Variants in LATS2 observed in about 807,000 individuals in gnomAD.
LATS2 encodes the protein serine/threonine-protein kinase LATS2.
A neutral mutation model predicts 76.0 loss-of-function variants in LATS2; 24 were observed. The observed-to-expected ratio is 0.32, with a 90% confidence interval of 0.23 to 0.44. The LOEUF is 0.44. LATS2 is among the 20% of genes least tolerant of loss of function. The probability of loss-of-function intolerance (pLI) is 1.00; values close to 1 mark genes in which losing one functional copy is unlikely to be tolerated. For missense variants in LATS2, 1,286 were observed against 1,481.2 expected, an observed-to-expected ratio of 0.87 and a Z score of 2.16; for synonymous variants, 692 against 635.4, an observed-to-expected ratio of 1.09 and a Z score of -1.34.
intron 2 of LATS2, among the ~76,000 whole-genome samples, chr13:21,006,228 C>T (rs968558285): frequency 6.6e-6 from 1 of 151,622 alleles, no homozygotes; most frequent in Non-Finnish European, 1.5e-5. Context: ...AAAATCACAG[C>T]AAGCAAGGTG....
rs528050343 is a variant in LATS2, at chr13:20,985,155, T to C, written c.1900-1349A>G. Among the ~76,000 whole-genome samples the C allele has an allele frequency of 5.3e-4, 80 of 152,224 alleles. 1 individual carries two copies. Among genetic ancestry groups the C allele is most frequent in the African/African-American group, 1.9e-3 (79 of 41,532 alleles). Reference sequence around the variant, plus strand: ...GTCAACTTAAAACAGATTAAAGACCTAGAAATAAGACCAGAGGCTATGAAA... The same window carrying C: ...GTCAACTTAAAACAGATTAAAGACCCAGAAATAAGACCAGAGGCTATGAAA... On this transcript the variant is annotated intron_variant, in intron 4 of 7. Transcript: ENST00000382592.
Position 21,002,362 on chromosome 13 carries a change from CTAAT to C in LATS2, c.343-10962_343-10959del, listed in dbSNP as rs1418520014. Among the ~76,000 whole-genome samples, 236 of 149,046 alleles carry C rather than the reference CTAAT, an allele frequency of 1.6e-3. 1 individual carries two copies. In the Middle Eastern group the frequency reaches 0.024, roughly 15 times the overall value. ...GCCCATCTTTTAAAAAATTAACTAACTAATTAATTAACTTTTTTTTTTTTTTTTT... is the reference window on the plus strand; with the variant it reads ...GCCCATCTTTTAAAAAATTAACTAACTAATTAACTTTTTTTTTTTTTTTTT... On this transcript the variant is annotated intron_variant, in intron 2 of 7. Transcript: ENST00000382592.
chr13:21,024,132 C>G (rs1872206907), intron 2 of LATS2, among the ~76,000 whole-genome samples: 3 of 146,992 alleles, frequency 2.0e-5, no homozygotes, highest in Admixed American at 2.0e-4. Context: ...GAAAAAACAG[C>G]TTGAAAAATA....
intron 3 of LATS2, among the ~76,000 whole-genome samples, chr13:20,989,956 C>CA (rs1345052829): frequency 6.6e-6 from 1 of 152,226 alleles, no homozygotes; most frequent in Non-Finnish European, 1.5e-5. Flanking sequence ...TCATCTGAAA[C>CA]AGACACCGGA....
chr13:20,992,462 G>A (rs920756910), intron 2 of LATS2, among the ~76,000 whole-genome samples: 4 of 152,254 alleles, frequency 2.6e-5, no homozygotes, highest in South Asian at 4.2e-4. Flanking sequence ...AGTGGCGCGG[G>A]GCGGTGAGGC....
chr13:20,976,809 G>A (rs1265047530), intron 7 of LATS2, among the ~76,000 whole-genome samples: 1 of 152,186 alleles, frequency 6.6e-6, no homozygotes, highest in Non-Finnish European at 1.5e-5. Flanking sequence ...TATTGAGGAT[G>A]TAGGGAAACT....
At chr13:21,015,604 G>C (rs1320165041) in intron 2 of LATS2, among the ~76,000 whole-genome samples, 1 of 152,188 alleles carries the variant, frequency 6.6e-6, no homozygotes, top group Non-Finnish European at 1.5e-5. Context: ...TTTTAAATAG[G>C]ATTTGGGGAA....
intron 7 of LATS2, among the ~76,000 whole-genome samples, chr13:20,976,146 G>A (rs1869614359): frequency 6.6e-6 from 1 of 152,224 alleles, no homozygotes; most frequent in Admixed American, 6.5e-5. Context: ...TTGTTGTAGA[G>A]ATGTGTCTAC....
chr13:21,019,328 A>C (rs190318148), intron 2 of LATS2, among the ~76,000 whole-genome samples: 2,087 of 142,212 alleles, frequency 0.015, 59 homozygotes, highest in African/African-American at 0.056. Context: ...TATTATTATT[A>C]TTATTATTAT....
intron 7 of LATS2, among the ~76,000 whole-genome samples, chr13:20,976,819 T>G (rs1223060657): frequency 6.6e-6 from 1 of 152,030 alleles, no homozygotes; most frequent in African/African-American, 2.4e-5. Flanking sequence ...GTAGGGAAAC[T>G]GAACACTCAG....
chr13:20,987,780 AAGGGGTATAC>A, intron 4 of LATS2, 91 bp downstream of exon 4: 1 of 1,344,988 alleles, frequency 7.4e-7, no homozygotes, highest in South Asian at 1.4e-5. Context: ...TTTTGATGAT[AAGGGGTATAC>A]AGTCGAAACA....
At chr13:21,050,254 A>C (rs112157642) in intron 1 of LATS2, among the ~76,000 whole-genome samples, 4 of 151,922 alleles carry the variant, frequency 2.6e-5, no homozygotes, top group African/African-American at 7.3e-5. Context: ...CTTATTTAAC[A>C]TATATTTTTT....
chr13:21,019,324 TA>T (rs1871940910), intron 2 of LATS2, among the ~76,000 whole-genome samples: 2 of 147,720 alleles, frequency 1.4e-5, no homozygotes, highest in African/African-American at 5.0e-5. Flanking sequence ...TTATTATTAT[TA>T]TTATTATTAT....
At chr13:21,011,262 C>G (rs1871581647) in intron 2 of LATS2, among the ~76,000 whole-genome samples, 1 of 152,216 alleles carries the variant, frequency 6.6e-6, no homozygotes, top group South Asian at 2.1e-4. Flanking sequence ...AAACTAGCTA[C>G]TAAAGAAGGT....
intron 2 of LATS2, among the ~76,000 whole-genome samples, chr13:20,996,168 G>A (rs547135177): frequency 6.6e-6 from 1 of 152,242 alleles, no homozygotes; most frequent in Admixed American, 6.5e-5. Context: ...TACCTGCAGT[G>A]TTCAACACTT....
At chr13:21,030,853 AT>A (rs1379091052) in intron 2 of LATS2, among the ~76,000 whole-genome samples, 2 of 151,978 alleles carry the variant, frequency 1.3e-5, no homozygotes, top group African/African-American at 4.8e-5. Flanking sequence ...ATCCTTTAGC[AT>A]TTTTCCCCCC....
At chr13:20,999,017 G>A (rs1595224261) in intron 2 of LATS2, among the ~76,000 whole-genome samples, 1 of 152,058 alleles carries the variant, frequency 6.6e-6, no homozygotes, top group Non-Finnish European at 1.5e-5. Flanking sequence ...CCTTGTGCAC[G>A]CAGGGCGGGG....
At chr13:21,004,304 C>T (rs1020156857) in intron 2 of LATS2, among the ~76,000 whole-genome samples, 2 of 151,952 alleles carry the variant, frequency 1.3e-5, no homozygotes, top group South Asian at 4.1e-4. Context: ...CATGGTGGTG[C>T]ATACCTGTAA....
rs1317091781 is a variant in LATS2, at chr13:21,051,145, A to G, written c.-204-4915T>C. Reference sequence around the variant, plus strand: ...TTCTGTGAGTGGCTAAAAGTCTCCAAGCAGACTGCACATGCCCTCATATAA... The same window carrying G: ...TTCTGTGAGTGGCTAAAAGTCTCCAGGCAGACTGCACATGCCCTCATATAA... On this transcript the variant is annotated intron_variant, in intron 1 of 7. Transcript: ENST00000382592. Among the ~76,000 whole-genome samples, 5 of 152,222 alleles carry G rather than the reference A, an allele frequency of 3.3e-5. No homozygotes were observed. The South Asian group carries it at 8.3e-4, about 25-fold the overall frequency.
Sources: gnomAD v4.1 joint callset for allele counts (sites outside exome capture counted in the v4.1 genomes callset) on GRCh38, gnomAD v4.1.1 for gene constraint, MANE v1.5 for transcripts, NCBI Gene and HGNC (gene_info 2026-07-23, HGNC 2026-07-21) for gene names.